The following DMD variants were observed in gnomAD, a reference collection of about 807,000 sequenced individuals.
The protein encoded by DMD is mutant dystrophin.
DMD carries 63 observed loss-of-function variants against 330.1 expected under a neutral mutation model. The ratio of observed to expected loss-of-function variants is 0.19; its 90% CI spans 0.16 to 0.24. The LOEUF (loss-of-function observed/expected upper bound fraction) is 0.24. DMD is among the 10% of genes least tolerant of loss of function. DMD has a pLI of 1.00. For synonymous variants in DMD, 1,223 were observed against 959.8 expected (o/e 1.27, Z -5.07); for missense variants, 3,344 against 2,684.1 (o/e 1.25, Z -5.43).
rs775659020 is a variant in DMD, at chrX:32,365,050, G to A, written c.4995C>T (p.Ser1665=). 17 of 1,208,249 alleles carry A rather than the reference G, an allele frequency of 1.4e-5. No individual in the cohort carries two copies. The highest frequency in any genetic ancestry group is 1.9e-5 in the Non-Finnish European group (17 of 894,723). ...LLNSNWIAVT[S]RAEEWLNLLL... Reference sequence around the variant, plus strand: ...AAAGATTTAACCACTCTTCTGCTCGGGAGGTGACAGCTATCCAGTTACTAT... The same window carrying A: ...AAAGATTTAACCACTCTTCTGCTCGAGAGGTGACAGCTATCCAGTTACTAT... The change falls in exon 35 of 79, where the codon TCC becomes TCT. Residue 1665 remains serine, a synonymous_variant. Coordinates refer to ENST00000357033, the MANE Select transcript of DMD (RefSeq NM_004006.3).
chrX:32,428,976 C>G (rs1281241566), intron 29 of DMD, among the ~76,000 whole-genome samples: 1 of 111,003 alleles, frequency 9.0e-6, no homozygotes, highest in Non-Finnish European at 1.9e-5. Context: ...TGATAATGAC[C>G]ATAATGTCTA....
chrX:32,137,716 T>G (rs775227560), intron 44 of DMD, among the ~76,000 whole-genome samples: 1 of 110,732 alleles, frequency 9.0e-6, no homozygotes, highest in South Asian at 3.9e-4. Flanking sequence ...TTTCAGGTTT[T>G]TGGAGAAACA....
At position 32,717,934 on chromosome X, in the gene DMD, ATCGATTTAAC is replaced by A. The variant is rs779738650; in HGVS notation, c.650-18651_650-18642del. ...CAGGGCCTGTAACCCCTTTCTTCTG[ATCGATTTAAC>A]TCTTTTGAGCTAATGCCTGTACCCT... is the stretch of plus-strand genomic sequence containing the variant. On this transcript the variant is annotated intron_variant, in intron 7 of 78. Coordinates refer to ENST00000357033, the MANE Select transcript of DMD (RefSeq NM_004006.3). 3.2e-4 allele frequency among the ~76,000 whole-genome samples: 36 copies of A among 111,156 alleles called. No individual in the cohort carries two copies. The East Asian group carries it at 0.01, about 32-fold the overall frequency.
intron 60 of DMD, among the ~76,000 whole-genome samples, chrX:31,383,312 C>G: frequency 8.9e-6 from 1 of 112,220 alleles, no homozygotes; most frequent in Non-Finnish European, 1.9e-5. Context: ...CAGGTGATTA[C>G]AAAGCTTTAT....
intron 76 of DMD, among the ~76,000 whole-genome samples, chrX:31,139,340 CATT>C (rs2035740781): frequency 9.0e-6 from 1 of 111,482 alleles, no homozygotes; most frequent in African/African-American, 3.3e-5. Flanking sequence ...GAAAGGAAGT[CATT>C]ATGTGAAAAA....
chrX:32,120,128 C>G (rs2096628546), intron 44 of DMD, among the ~76,000 whole-genome samples: 1 of 112,466 alleles, frequency 8.9e-6, no homozygotes, highest in Non-Finnish European at 1.9e-5. Flanking sequence ...ACAAATGTGT[C>G]TGGATTCAGA....
At chrX:31,669,996 GC>G (rs2148680720) in intron 53 of DMD, among the ~76,000 whole-genome samples, 1 of 111,021 alleles carries the variant, frequency 9.0e-6, no homozygotes, top group East Asian at 2.8e-4. Context: ...TTTCAACACT[GC>G]TTTGTATTCT....
intron 48 of DMD, among the ~76,000 whole-genome samples, chrX:31,870,923 A>G (rs1282526564): frequency 8.9e-6 from 1 of 111,870 alleles, no homozygotes; most frequent in African/African-American, 3.2e-5. Flanking sequence ...CTCATATTTT[A>G]ATAAAAAGTT....
chrX:32,401,433 G>A (rs961660170), intron 30 of DMD, among the ~76,000 whole-genome samples: 6 of 111,834 alleles, frequency 5.4e-5, no homozygotes, highest in Non-Finnish European at 1.1e-4. Flanking sequence ...GGAATTGTAC[G>A]TTATTACGTT....
chrX:31,676,141 G>A (rs990267137), intron 53 of DMD, among the ~76,000 whole-genome samples: 2 of 112,268 alleles, frequency 1.8e-5, no homozygotes, highest in Admixed American at 9.4e-5. Flanking sequence ...ATAGCTTTGT[G>A]ATTGCCTTGT....
At chrX:32,123,432 A>G (rs2096647757) in intron 44 of DMD, among the ~76,000 whole-genome samples, 1 of 105,905 alleles carries the variant, frequency 9.4e-6, no homozygotes, top group African/African-American at 3.5e-5. Flanking sequence ...GGCATTTCTA[A>G]CCATCCCCGT....
chrX:32,455,293 T>C (rs2098352394), intron 25 of DMD, among the ~76,000 whole-genome samples: 1 of 111,424 alleles, frequency 9.0e-6, no homozygotes, highest in Non-Finnish European at 1.9e-5. Context: ...AAACGAAAAG[T>C]GCATAAAACG....
chrX:32,594,735 C>A (rs750743221), intron 13 of DMD, among the ~76,000 whole-genome samples: 1 of 111,497 alleles, frequency 9.0e-6, no homozygotes, highest in Non-Finnish European at 1.9e-5. Context: ...ATCTTCTCGT[C>A]CTCTTCTTCT....
At chrX:33,328,106 T>A (rs1190582407) in intron 1 of DMD, among the ~76,000 whole-genome samples, 1 of 111,751 alleles carries the variant, frequency 8.9e-6, no homozygotes, top group Non-Finnish European at 1.9e-5. Context: ...GTAATAAGAA[T>A]AAATGTGAAA....
At chrX:32,760,241 T>A (rs2072098257) in intron 7 of DMD, among the ~76,000 whole-genome samples, 1 of 112,000 alleles carries the variant, frequency 8.9e-6, no homozygotes, top group Admixed American at 9.5e-5. Flanking sequence ...GACTTCTTTT[T>A]ACACTACCTT....
chrX:31,502,901 C>T (rs1381690437), intron 56 of DMD, among the ~76,000 whole-genome samples: 3 of 111,728 alleles, frequency 2.7e-5, no homozygotes, highest in Admixed American at 9.5e-5. Flanking sequence ...TATTGGATAA[C>T]GTCATCAGTA....
At chrX:32,829,091 A>T (rs1255544476) in intron 4 of DMD, among the ~76,000 whole-genome samples, 1 of 111,956 alleles carries the variant, frequency 8.9e-6, no homozygotes, top group Non-Finnish European at 1.9e-5. Context: ...ATTTCATTCA[A>T]AAGTAAAACT....
rs774577835 is a variant in DMD at position 32,265,990 on chromosome X, T to C, written c.6290+21539A>G. Among the ~76,000 whole-genome samples, 51 of 111,584 alleles carry C rather than the reference T, an allele frequency of 4.6e-4. No homozygotes were observed. The South Asian group carries it at 0.018, about 39-fold the overall frequency. ...ACTGTTGGGAAGGCATTATTGTGTT[T>C]TGAAATGTGAAGACGTGCCATTTGG... is the stretch of plus-strand genomic sequence containing the variant. On this transcript the variant is annotated intron_variant, in intron 43 of 78. Coordinates refer to ENST00000357033, the MANE Select transcript of DMD (RefSeq NM_004006.3).
intron 62 of DMD, among the ~76,000 whole-genome samples, chrX:31,288,144 CA>C (rs948500434): frequency 9.2e-6 from 1 of 108,314 alleles, no homozygotes; most frequent in Admixed American, 9.8e-5. Flanking sequence ...AAGAAACAGA[CA>C]AAAAAAAAGT....
Sources: gnomAD v4.1 joint callset for allele counts (sites outside exome capture counted in the v4.1 genomes callset) on GRCh38, gnomAD v4.1.1 for gene constraint, MANE v1.5 for transcripts, NCBI Gene and HGNC (gene_info 2026-07-23, HGNC 2026-07-21) for gene names.